DDB2: variants seen among roughly 807,000 people sequenced by gnomAD.
DDB2 encodes the protein damage specific DNA binding protein 2, also known as DNA damage-binding protein 2.
DDB2 carries 27 observed loss-of-function variants against 50.5 expected under a neutral mutation model. That is an observed-to-expected ratio of 0.53 (90% CI 0.39 to 0.74). DDB2 has a LOEUF of 0.74. Ranked by LOEUF, DDB2 falls within the 30% of genes least tolerant of loss-of-function variation. The pLI is 0.00. For missense variants in DDB2, 424 were observed against 545.6 expected, an observed-to-expected ratio of 0.78 and a Z score of 2.22; for synonymous variants, 176 against 205.5, an observed-to-expected ratio of 0.86 and a Z score of 1.23.
At chr11:47,228,012 C>T (rs1953584319) in intron 3 of DDB2, among the ~76,000 whole-genome samples, 1 of 151,540 alleles carries the variant, frequency 6.6e-6, no homozygotes. Flanking sequence ...TGGTGGCGCA[C>T]TCCTGTCATC....
Position 47,238,961 on chromosome 11 carries a change from G to C in DDB2, c.*112G>C. 2 of 1,155,976 alleles carry C rather than the reference G, an allele frequency of 1.7e-6. No individual in the cohort carries two copies. Among genetic ancestry groups the C allele is most frequent in the Non-Finnish European group, 2.5e-6 (2 of 792,946 alleles). The allele number at this position is 1,155,976 out of a possible 1,614,324, so 71.6% of individuals were successfully genotyped here. A position where few individuals can be genotyped will look rare whatever the true frequency, so the allele number is the denominator to read the frequency against. ...AAGGGCCAAAAGTATCCAAGGTTAG[G>C]GTTGGAGCAGGGGTGCTGGGACCTG... is the stretch of plus-strand genomic sequence containing the variant. On this transcript the variant is annotated 3_prime_UTR_variant, in exon 10 of 10. Transcript: ENST00000256996.
At chr11:47,229,485 G>A (rs987765985) in intron 3 of DDB2, among the ~76,000 whole-genome samples, 23 of 152,140 alleles carry the variant, frequency 1.5e-4, no homozygotes, top group Admixed American at 1.3e-3. Flanking sequence ...AAGAGTCCAA[G>A]CATCCTAAGG....
rs753162529 is a variant in DDB2, at chr11:47,238,187, A to G, written c.1234+4A>G. The G allele has an allele frequency of 6.2e-7, 1 of 1,608,528 alleles. No individual in the cohort carries two copies. The highest frequency in any genetic ancestry group is 1.1e-5 in the South Asian group (1 of 89,864). On this transcript the variant is annotated splice_donor_region_variant and intron_variant, in intron 9 of 9. Coordinates refer to ENST00000256996, the MANE Select transcript of DDB2 (RefSeq NM_000107.3). ...GACACGCTGGCCTCTGCAATGGGTG[A>G]GTAGGAGGAGAATGTCTCTGACTTG...
chr11:47,235,959 G>A (rs1366909753), intron 7 of DDB2: 2 of 130,032 alleles, frequency 1.5e-5, no homozygotes, highest in African/African-American at 5.8e-5. Context: ...TCTTGAAACG[G>A]TCTTGCTCTG....
chr11:47,229,617 G>A (rs1953613762), intron 3 of DDB2, among the ~76,000 whole-genome samples: 2 of 152,116 alleles, frequency 1.3e-5, no homozygotes, highest in South Asian at 4.1e-4. Flanking sequence ...TGTCAAAGAA[G>A]GGAATTATAA....
Position 47,219,471 on chromosome 11 carries a change from C to T in DDB2, c.456+2422C>T, listed in dbSNP as rs4647716. On this transcript the variant is annotated intron_variant, in intron 3 of 9. Transcript: ENST00000256996. ...CACCTTCCTGACTCAAGGAATCCTC[C>T]GGCTTCAGCCTCCCATGTATCAGGG... Among the ~76,000 whole-genome samples the T allele has an allele frequency of 1.0e-2, 1,520 of 152,112 alleles. 21 individuals carry two copies. The highest frequency in any genetic ancestry group is 0.035 in the African/African-American group (1,454 of 41,474).
upstream of DDB2, chr11:47,214,854 C>G (rs4237547): frequency 0.58 from 286,073 of 493,062 alleles, 90,586 homozygotes; most frequent in Non-Finnish European, 0.67. Flanking sequence ...CTGGCCCTGG[C>G]GCAGTTCCCG....
In DDB2 at chr11:47,214,987, C is replaced by G; in HGVS notation, c.-150C>G. The G allele has an allele frequency of 8.4e-7, 1 of 1,187,398 alleles. No homozygotes were observed. Among genetic ancestry groups the G allele is most frequent in the Non-Finnish European group, 1.2e-6 (1 of 807,454 alleles). The allele number at this position is 1,187,398 out of a possible 1,614,324, so 73.6% of individuals were successfully genotyped here. A position where few individuals can be genotyped will look rare whatever the true frequency, so the allele number is the denominator to read the frequency against. The stretch of plus-strand genomic sequence containing the variant: ...GAGCTCCAAGCTGGTTTGAACAAGC[C>G]CTGGGCATGTTTGGCGGGAAGTTGG... On this transcript the variant is annotated 5_prime_UTR_variant, in exon 1 of 10. Coordinates refer to ENST00000256996, the MANE Select transcript of DDB2 (RefSeq NM_000107.3).
At chr11:47,233,709 CAAAAAAAA>C (rs10544942) in intron 4 of DDB2, among the ~76,000 whole-genome samples, 1 of 140,532 alleles carries the variant, frequency 7.1e-6, no homozygotes, top group Non-Finnish European at 1.5e-5. Flanking sequence ...AAATCTATCT[CAAAAAAAA>C]AAAAAAAAAA....
chr11:47,215,315 C>T, intron 1 of DDB2, 52 bp downstream of exon 1: 1 of 1,611,506 alleles, frequency 6.2e-7, no homozygotes, highest in Non-Finnish European at 8.5e-7. Context: ...GGTGCTCGCG[C>T]AGGAGGCTGC....
At chr11:47,231,143 A>AAAC (rs1953643475) in intron 3 of DDB2, among the ~76,000 whole-genome samples, 1 of 145,626 alleles carries the variant, frequency 6.9e-6, no homozygotes, top group African/African-American at 2.5e-5. Context: ...AAAAAAAAAA[A>AAAC]ACACACAAAG....
At chr11:47,221,414 C>T (rs1055971625) in intron 3 of DDB2, among the ~76,000 whole-genome samples, 10 of 151,828 alleles carry the variant, frequency 6.6e-5, no homozygotes, top group South Asian at 6.2e-4. Flanking sequence ...GCTGGGATTA[C>T]AGGCATGCAC....
intron 3 of DDB2, among the ~76,000 whole-genome samples, chr11:47,227,200 G>A (rs945105821): frequency 1.1e-4 from 14 of 122,294 alleles, no homozygotes; most frequent in African/African-American, 1.9e-4. Context: ...TCCACCTCCC[G>A]GGTTCAAGCA....
chr11:47,214,919 C>A (rs1312013438), upstream of DDB2: 2 of 642,156 alleles, frequency 3.1e-6, no homozygotes, highest in Non-Finnish European at 5.2e-6. Context: ...CCCGCGCCCC[C>A]GCCTTCCAGG....
rs1261487187 is a variant in DDB2, at chr11:47,235,252, G to A, written c.881-18G>A. 3 of 1,614,236 alleles carry A rather than the reference G, an allele frequency of 1.9e-6. No homozygotes were observed. Among genetic ancestry groups the A allele is most frequent in the Non-Finnish European group, 2.5e-6 (3 of 1,180,050 alleles). ...GGGCTTGTGGTTCCTTCAGCTCAGG[G>A]GCTTTTCACTTTGCCAGCTTGTTTC... On this transcript the variant is annotated intron_variant, in intron 6 of 9. Coordinates refer to ENST00000256996, the MANE Select transcript of DDB2 (RefSeq NM_000107.3).
chr11:47,229,662 G>A lies in DDB2; in HGVS notation c.457-3152G>A, dbSNP rs878977386. 45 of 288,548 alleles carry A rather than the reference G, an allele frequency of 1.6e-4. 1 individual carries two copies. Among genetic ancestry groups the A allele is most frequent in the South Asian group, 1.4e-3 (45 of 32,686 alleles). The allele number at this position is 288,548 out of a possible 1,614,324, so 17.9% of individuals were successfully genotyped here. Reference sequence around the variant, plus strand: ...GAGAGAAACTCGAATCAACTCTGTGGTGTTGACTTTGAATTGAAGACATTG... The same window carrying A: ...GAGAGAAACTCGAATCAACTCTGTGATGTTGACTTTGAATTGAAGACATTG... On this transcript the variant is annotated intron_variant, in intron 3 of 9. Transcript: ENST00000256996.
Position 47,214,986 on chromosome 11 carries a change from C to T in DDB2, c.-151C>T, listed in dbSNP as rs951253841. 3.4e-6 allele frequency: 4 copies of T among 1,174,950 alleles called. No homozygotes were observed. The highest frequency in any genetic ancestry group is 2.4e-5 in the East Asian group (1 of 42,244). The allele number at this position is 1,174,950 out of a possible 1,614,324, so 72.8% of individuals were successfully genotyped here. A position where few individuals can be genotyped will look rare whatever the true frequency, so the allele number is the denominator to read the frequency against. ...GGAGCTCCAAGCTGGTTTGAACAAGCCCTGGGCATGTTTGGCGGGAAGTTG... is the reference window on the plus strand; with the variant it reads ...GGAGCTCCAAGCTGGTTTGAACAAGTCCTGGGCATGTTTGGCGGGAAGTTG... On this transcript the variant is annotated 5_prime_UTR_variant, in exon 1 of 10. Coordinates refer to ENST00000256996, the MANE Select transcript of DDB2 (RefSeq NM_000107.3).
intron 3 of DDB2, 70 bp from the exon 4 acceptor site, chr11:47,232,727 CTGTGACGGCGCAGCATG>C (rs1953666293): frequency 6.7e-7 from 1 of 1,492,938 alleles, no homozygotes; most frequent in African/African-American, 1.4e-5. Context: ...AGGGGTGCTT[CTGTGACGGCGCAGCATG>C]TGTGCCCAGG....
chr11:47,219,811 G>A (rs941702632), intron 3 of DDB2, among the ~76,000 whole-genome samples: 1 of 150,244 alleles, frequency 6.7e-6, no homozygotes, highest in Non-Finnish European at 1.5e-5. Context: ...TTTTTGAGAT[G>A]GAGTCTCACT....
Sources: gnomAD v4.1 joint callset for allele counts (sites outside exome capture counted in the v4.1 genomes callset) on GRCh38, gnomAD v4.1.1 for gene constraint, MANE v1.5 for transcripts, NCBI Gene and HGNC (gene_info 2026-07-23, HGNC 2026-07-21) for gene names.